The following SCYL2 variants were observed in gnomAD, a reference collection of about 807,000 sequenced individuals.
The protein encoded by SCYL2 is SCY1 like pseudokinase 2.
Under a neutral mutation model 100.4 loss-of-function variants are expected in SCYL2, and 36 were observed. The observed-to-expected ratio is 0.36, with a 90% confidence interval of 0.27 to 0.47. The LOEUF (loss-of-function observed/expected upper bound fraction) is 0.47, where lower values mean the gene tolerates loss of function less well. Among genes scored for constraint, SCYL2 ranks in the 20% least tolerant of loss-of-function variants. The pLI is 1.00. For missense variants in SCYL2, 902 were observed against 1,083.9 expected (o/e 0.83, Z 2.36); for synonymous variants, 330 against 359.2 (o/e 0.92, Z 0.92).
chr12:100,328,723 T>A, intron 12 of SCYL2, among the ~76,000 whole-genome samples: 1 of 152,194 alleles, frequency 6.6e-6, no homozygotes, highest in East Asian at 1.9e-4. Flanking sequence ...TTTTGTGGAA[T>A]TGAATTCAGT....
At chr12:100,289,745 G>A (rs1452405679) in intron 2 of SCYL2, among the ~76,000 whole-genome samples, 2 of 152,148 alleles carry the variant, frequency 1.3e-5, no homozygotes, top group African/African-American at 4.8e-5. Context: ...TTTTAGGTTT[G>A]TGTGACTCTG....
intron 10 of SCYL2, among the ~76,000 whole-genome samples, chr12:100,322,048 AAAAAAAAAAAAAG>A (rs2096356386): frequency 1.3e-5 from 2 of 150,496 alleles, no homozygotes; most frequent in Admixed American, 1.3e-4. Context: ...ACTCTCCAAA[AAAAAAAAAAAAAG>A]AAAAAAAAAC....
rs761262585 is a variant in SCYL2, at chr12:100,339,119, A to G, written c.2737A>G (p.Thr913Ala). ...NPQNFAQPPT[T>A]MTNSSSASND... ...ACAGAACTTTGCACAGCCACCAACT[A>G]CTATGACCAATAGCAGTTCAGCTAG... The change falls in exon 18 of 18, where the codon ACT becomes GCT. Residue 913 changes from threonine to alanine, a missense_variant. Physicochemically the swap from Thr to Ala is moderately conservative, Grantham distance 58 (BLOSUM62 0). Transcript: ENST00000360820. The G allele has an allele frequency of 2.5e-6, 4 of 1,613,994 alleles. No homozygotes were observed. The highest frequency in any genetic ancestry group is 4.5e-5 in the East Asian group (2 of 44,886).
At chr12:100,293,534 A>AT (rs1411250288) in intron 3 of SCYL2, among the ~76,000 whole-genome samples, 1 of 150,196 alleles carries the variant, frequency 6.7e-6, no homozygotes, top group African/African-American at 2.5e-5. Flanking sequence ...TTTTTTATTT[A>AT]TTTTTTATTT....
chr12:100,268,455 A>T (rs752721788), intron 1 of SCYL2, among the ~76,000 whole-genome samples: 1 of 152,236 alleles, frequency 6.6e-6, no homozygotes, highest in Non-Finnish European at 1.5e-5. Flanking sequence ...TAAAATATTT[A>T]AAAATGAAAT....
intron 4 of SCYL2, among the ~76,000 whole-genome samples, chr12:100,304,600 C>T (rs969185348): frequency 3.3e-5 from 5 of 152,122 alleles, no homozygotes; most frequent in African/African-American, 9.7e-5. Context: ...CCACTGTCTA[C>T]AGGCAAAACC....
In SCYL2 at chr12:100,315,567, G is replaced by A. The variant is rs1219315530; in HGVS notation, c.1105G>A (p.Val369Met). 2 of 1,589,622 alleles carry A rather than the reference G, an allele frequency of 1.3e-6. No homozygotes were observed. Among genetic ancestry groups the A allele is most frequent in the Non-Finnish European group, 1.7e-6 (2 of 1,168,716 alleles). The change falls in exon 9 of 18, where the codon GTG becomes ATG. Residue 369 changes from valine (V) to methionine (M), a missense_variant. Transcript: ENST00000360820. The stretch of plus-strand genomic sequence containing the variant: ...CATTTTTGCCTTTCAGCGTGTCATT[G>A]TGCAGAGAATTTTGCCTTGTTTGAC... ...VLPKLPKRVI[V>M]QRILPCLTSE...
At chr12:100,290,418 A>G (rs942850682) in intron 2 of SCYL2, among the ~76,000 whole-genome samples, 2 of 152,214 alleles carry the variant, frequency 1.3e-5, no homozygotes, top group African/African-American at 2.4e-5. Flanking sequence ...ACTCATTTAT[A>G]TACATAAGGA....
rs1345251232 is a variant in SCYL2 at position 100,294,286 on chromosome 12, C to T, written c.335+2626C>T. Reference sequence around the variant, plus strand: ...CCCCCAACCTCCCTCCCGGACGGGGCGGCTGGCCGGGCAGAGGGGCTCCTC... The same window carrying T: ...CCCCCAACCTCCCTCCCGGACGGGGTGGCTGGCCGGGCAGAGGGGCTCCTC... On this transcript the variant is annotated intron_variant, in intron 3 of 17. Transcript: ENST00000360820. Among the ~76,000 whole-genome samples the T allele has an allele frequency of 1.9e-3, 211 of 110,964 alleles. 2 individuals are homozygous for T. Among genetic ancestry groups the T allele is most frequent in the Non-Finnish European group, 7.7e-4 (41 of 53,082 alleles). 72.8% of individuals were successfully genotyped at this position (110,964 alleles called of 152,430 possible).
At chr12:100,279,420 C>T (rs891883013) in intron 1 of SCYL2, among the ~76,000 whole-genome samples, 1 of 152,180 alleles carries the variant, frequency 6.6e-6, no homozygotes, top group African/African-American at 2.4e-5. Context: ...ACTGATCTGG[C>T]GGCCTAGGGG....
At chr12:100,295,582 G>A (rs1387755647) in intron 3 of SCYL2, among the ~76,000 whole-genome samples, 2 of 151,726 alleles carry the variant, frequency 1.3e-5, no homozygotes, top group Non-Finnish European at 3.0e-5. Flanking sequence ...GCCTGCAATC[G>A]CAGGCACTCG....
chr12:100,330,857 C>T (rs1442548047), intron 13 of SCYL2, among the ~76,000 whole-genome samples: 1 of 136,386 alleles, frequency 7.3e-6, no homozygotes, highest in Non-Finnish European at 1.5e-5. Context: ...GAGATGGAGT[C>T]TCGCCCTGTC....
At chr12:100,316,927 C>A (rs2096349490) in intron 9 of SCYL2, among the ~76,000 whole-genome samples, 1 of 152,046 alleles carries the variant, frequency 6.6e-6, no homozygotes, top group Non-Finnish European at 1.5e-5. Flanking sequence ...CATGGTGAAA[C>A]CCTGTCTCTT....
chr12:100,284,673 G>A (rs767010271), intron 2 of SCYL2, among the ~76,000 whole-genome samples: 2 of 152,146 alleles, frequency 1.3e-5, no homozygotes, highest in Non-Finnish European at 2.9e-5. Context: ...GTGTTGGCCA[G>A]ACTGCTCTCG....
chr12:100,306,842 C>G (rs1450081467), intron 4 of SCYL2, among the ~76,000 whole-genome samples: 1 of 151,708 alleles, frequency 6.6e-6, no homozygotes, highest in Non-Finnish European at 1.5e-5. Context: ...CATTCCTATG[C>G]AGCAATAACA....
At chr12:100,295,107 G>A (rs1308858666) in intron 3 of SCYL2, among the ~76,000 whole-genome samples, 6 of 151,330 alleles carry the variant, frequency 4.0e-5, no homozygotes, top group African/African-American at 1.5e-4. Context: ...ATGGGCGGCC[G>A]GGCAGAGACG....
At chr12:100,299,612 A>G (rs1442085761) in intron 4 of SCYL2, among the ~76,000 whole-genome samples, 1 of 152,154 alleles carries the variant, frequency 6.6e-6, no homozygotes, top group Non-Finnish European at 1.5e-5. Context: ...TATAAGTGGA[A>G]TCATATGGTA....
At chr12:100,324,384 A>G (rs1306662699) in intron 11 of SCYL2, among the ~76,000 whole-genome samples, 1 of 152,146 alleles carries the variant, frequency 6.6e-6, no homozygotes, top group Non-Finnish European at 1.5e-5. Flanking sequence ...CTTTTGCCTG[A>G]CCAGTTCTTG....
intron 13 of SCYL2, among the ~76,000 whole-genome samples, chr12:100,333,212 T>C (rs1952233418): frequency 6.6e-6 from 1 of 152,174 alleles, no homozygotes; most frequent in Non-Finnish European, 1.5e-5. Flanking sequence ...CTTTTGACTT[T>C]CTCATAAGAT....
Sources: gnomAD v4.1 joint callset for allele counts (sites outside exome capture counted in the v4.1 genomes callset) on GRCh38, gnomAD v4.1.1 for gene constraint, MANE v1.5 for transcripts, NCBI Gene and HGNC (gene_info 2026-07-23, HGNC 2026-07-21) for gene names.